The following ZNF710 variants were observed in gnomAD, a reference collection of about 807,000 sequenced individuals.
The protein encoded by ZNF710 is zinc finger protein 710.
In ZNF710, 13 loss-of-function variants were observed where a neutral mutation model predicts 50.6. The ratio of observed to expected loss-of-function variants is 0.26; its 90% CI spans 0.17 to 0.41. The LOEUF (loss-of-function observed/expected upper bound fraction) is 0.41. Among genes scored for constraint, ZNF710 ranks in the 10% least tolerant of loss-of-function variants. The probability of loss-of-function intolerance (pLI) is 1.00; values close to 1 mark genes in which losing one functional copy is unlikely to be tolerated. For missense variants in ZNF710, 721 were observed against 936.6 expected (o/e 0.77, Z 3.01); for synonymous variants, 383 against 397.0 (o/e 0.96, Z 0.42).
In ZNF710 at chr15:90,067,863, G is replaced by A. The variant is rs750083313; in HGVS notation, c.726G>A (p.Pro242=). ...PSMESPEPVK[P]EQGFVWQEAS... ...TGGAGTCCCCGGAGCCTGTCAAGCC[G>A]GAACAGGGCTTCGTGTGGCAGGAGG... The change falls in exon 2 of 5, where the codon CCG becomes CCA. Residue 242 remains proline (P), a synonymous_variant. Transcript: ENST00000268154. This position sits in a 1 kb window ranked among gnomAD's most constrained non-coding sequence, Gnocchi z 8.1. 2.0e-5 allele frequency: 32 copies of A among 1,605,258 alleles called. No homozygotes were observed. In the East Asian group the frequency reaches 2.9e-4, roughly 15 times the overall value.
intron 1 of ZNF710, among the ~76,000 whole-genome samples, chr15:90,019,188 T>A (rs1898539158): frequency 5.8e-5 from 2 of 34,560 alleles, no homozygotes; most frequent in African/African-American, 1.7e-4. Context: ...TTTTTCTTTC[T>A]TTTTTTTTTT....
At chr15:90,045,755 G>T (rs1899439745) in intron 1 of ZNF710, among the ~76,000 whole-genome samples, 2 of 152,180 alleles carry the variant, frequency 1.3e-5, no homozygotes, top group Admixed American at 1.3e-4. Flanking sequence ...CCAGTTTAGG[G>T]GGTGGAGAGA....
intron 1 of ZNF710, among the ~76,000 whole-genome samples, chr15:90,058,375 C>A (rs1001607655): frequency 3.9e-5 from 6 of 152,118 alleles, no homozygotes; most frequent in African/African-American, 1.4e-4. Context: ...CTGGACACCA[C>A]CCCAAGGAGG....
intron 1 of ZNF710, among the ~76,000 whole-genome samples, chr15:90,046,685 C>T (rs935530541): frequency 2.6e-5 from 4 of 152,034 alleles, no homozygotes; most frequent in African/African-American, 9.7e-5. Context: ...GGTGCTGAGC[C>T]CCTACTATGT....
At chr15:90,033,719 C>T (rs575843712) in intron 1 of ZNF710, among the ~76,000 whole-genome samples, 1 of 152,302 alleles carries the variant, frequency 6.6e-6, no homozygotes, top group East Asian at 1.9e-4. Context: ...CTACCATGCC[C>T]AGCTTGTCCC....
At chr15:90,071,542 T>G (rs1900385314) in intron 2 of ZNF710, among the ~76,000 whole-genome samples, 1 of 152,108 alleles carries the variant, frequency 6.6e-6, no homozygotes, top group Non-Finnish European at 1.5e-5. Flanking sequence ...ACAAAGTTTT[T>G]ATACCAAACA....
At chr15:90,051,191 A>G (rs1319527694) in intron 1 of ZNF710, among the ~76,000 whole-genome samples, 2 of 150,034 alleles carry the variant, frequency 1.3e-5, no homozygotes, top group East Asian at 3.9e-4. Context: ...GTGAGCCAAG[A>G]TCGTGCCGCT....
At chr15:90,047,673 C>T (rs1899510607) in intron 1 of ZNF710, among the ~76,000 whole-genome samples, 1 of 151,226 alleles carries the variant, frequency 6.6e-6, no homozygotes, top group Non-Finnish European at 1.5e-5. Context: ...CAACCTCCAA[C>T]TCCCGGGTTC....
chr15:90,073,323 C>A, intron 3 of ZNF710, 61 bp downstream of exon 3: 2 of 1,553,978 alleles, frequency 1.3e-6, no homozygotes, highest in Non-Finnish European at 1.8e-6. Flanking sequence ...AATCAGCATG[C>A]CTGCAGCAGC....
Position 90,059,330 on chromosome 15 carries a change from C to T in ZNF710, c.-28-7780C>T, listed in dbSNP as rs1412506215. Among the ~76,000 whole-genome samples, 1 of 152,160 alleles carries T rather than the reference C, an allele frequency of 6.6e-6. No individual in the cohort carries two copies. Among genetic ancestry groups the T allele is most frequent in the Non-Finnish European group, 1.5e-5 (1 of 68,032 alleles). On this transcript the variant is annotated intron_variant, in intron 1 of 4. Transcript: ENST00000268154. The surrounding 1 kb of genome is among the most constrained non-coding windows in gnomAD (Gnocchi z 4.1). ...AAATGAAGGCATGGGCAGTGCATCC[C>T]GCCTACCAAAAGGCTGTGGGGGCTG...
rs398028304 is a variant in ZNF710, at chr15:90,034,428, CTGTGTGTG to C, written c.-28-32642_-28-32635del. Among the ~76,000 whole-genome samples, 2,945 of 136,248 alleles carry C rather than the reference CTGTGTGTG, an allele frequency of 0.022. 65 individuals are homozygous for C. Among genetic ancestry groups the C allele is most frequent in the African/African-American group, 0.045 (1,685 of 37,778 alleles). The allele number at this position is 136,248 out of a possible 152,430, so 89.4% of individuals were successfully genotyped here. On this transcript the variant is annotated intron_variant, in intron 1 of 4. Transcript: ENST00000268154. This position sits in a 1 kb window ranked among gnomAD's most constrained non-coding sequence, Gnocchi z 4.0. ...AGCTGTCCTTCCTGTTTCCAAATTC[CTGTGTGTG>C]TGTGTGTGTGTGTGTGTGTGTGTGT...
intron 1 of ZNF710, among the ~76,000 whole-genome samples, chr15:90,016,176 G>C (rs746682871): frequency 6.6e-6 from 1 of 152,130 alleles, no homozygotes; most frequent in African/African-American, 2.4e-5. Flanking sequence ...AGGAAAAAAG[G>C]ATGGGTAGAA....
chr15:90,047,167 C>G (rs1346069026), intron 1 of ZNF710, among the ~76,000 whole-genome samples: 1 of 145,232 alleles, frequency 6.9e-6, no homozygotes, highest in African/African-American at 2.6e-5. Flanking sequence ...TTCCAGGGCC[C>G]CAGTTTCCCA....
chr15:90,067,477 G>A lies in ZNF710; in HGVS notation c.340G>A (p.Val114Met). The A allele has an allele frequency of 1.2e-6, 2 of 1,613,250 alleles. No homozygotes were observed. The highest frequency in any genetic ancestry group is 1.7e-6 in the Non-Finnish European group (2 of 1,179,586). Reference sequence around the variant, plus strand: ...GGTGCCCAAGGTCAAGTTCGAGAAGGTGGAGGAGGAGGAACAGGAGGTCTA... The same window carrying A: ...GGTGCCCAAGGTCAAGTTCGAGAAGATGGAGGAGGAGGAACAGGAGGTCTA... ...RLVPKVKFEK[V>M]EEEEQEVYEV... The change falls in exon 2 of 5, where the codon GTG becomes ATG. Residue 114 changes from valine to methionine, a missense_variant. Val to Met is a conservative substitution (Grantham distance 21). Transcript: ENST00000268154. This position sits in a 1 kb window ranked among gnomAD's most constrained non-coding sequence, Gnocchi z 8.1.
intron 1 of ZNF710, among the ~76,000 whole-genome samples, chr15:90,013,567 T>A (rs1308252968): frequency 6.6e-6 from 1 of 152,180 alleles, no homozygotes; most frequent in Non-Finnish European, 1.5e-5. Context: ...AATTCTTAGC[T>A]TGCAGTTTTG....
intron 1 of ZNF710, among the ~76,000 whole-genome samples, chr15:90,007,526 C>CT (rs1898169661): frequency 6.6e-6 from 1 of 152,040 alleles, no homozygotes; most frequent in East Asian, 1.9e-4. Context: ...GATTGCGGCT[C>CT]TAAGAATTTG....
intron 1 of ZNF710, chr15:90,024,864 C>T (rs1003296948): frequency 6.6e-6 from 1 of 152,218 alleles, no homozygotes; most frequent in Non-Finnish European, 1.5e-5. Flanking sequence ...CATCGGCCAC[C>T]CTTTCCATTA....
At chr15:90,007,127 G>A (rs1898159870) in intron 1 of ZNF710, among the ~76,000 whole-genome samples, 1 of 152,158 alleles carries the variant, frequency 6.6e-6, no homozygotes, top group South Asian at 2.1e-4. Flanking sequence ...TTCCCTAAAA[G>A]TGTGTGGAGC....
At chr15:90,073,325 T>C in intron 3 of ZNF710, 63 bp downstream of exon 3, 1 of 1,550,228 alleles carries the variant, frequency 6.5e-7, no homozygotes. Flanking sequence ...TCAGCATGCC[T>C]GCAGCAGCTG....
Sources: allele counts gnomAD v4.1 joint callset (sites outside exome capture counted in the v4.1 genomes callset), GRCh38; gene constraint gnomAD v4.1.1; non-coding constraint Gnocchi (gnomAD v3.1); transcripts MANE v1.5; gene names NCBI Gene and HGNC (gene_info 2026-07-23, HGNC 2026-07-21).